FUCA1: variants seen among roughly 807,000 people sequenced by gnomAD.
FUCA1 encodes alpha-L-fucosidase 1, also known as tissue alpha-L-fucosidase.
In FUCA1, 52 loss-of-function variants were observed where a neutral mutation model predicts 56.8. That is an observed-to-expected ratio of 0.92 (90% CI 0.73 to 1.15). The LOEUF (loss-of-function observed/expected upper bound fraction) is 1.15, where lower values mean the gene tolerates loss of function less well. FUCA1 is among the 50% of genes most tolerant of loss of function. FUCA1 has a pLI of 0.00. For missense variants in FUCA1, 568 were observed against 592.6 expected (o/e 0.96, Z 0.43); for synonymous variants, 230 against 226.6 (o/e 1.02, Z -0.14).
chr1:23,867,807 G>C lies in FUCA1; in HGVS notation c.389+91C>G. The C allele has an allele frequency of 2.1e-6, 3 of 1,446,546 alleles. No individual in the cohort carries two copies. The highest frequency in any genetic ancestry group is 2.7e-6 in the Non-Finnish European group (3 of 1,108,750). The allele number at this position is 1,446,546 out of a possible 1,614,324, so 89.6% of individuals were successfully genotyped here. On this transcript the variant is annotated intron_variant, in intron 1 of 7. Coordinates refer to ENST00000374479, the MANE Select transcript of FUCA1 (RefSeq NM_000147.5). This position sits in a 1 kb window ranked among gnomAD's most constrained non-coding sequence, Gnocchi z 4.9. ...GGGCCCCGGGGTCATGGGGGCGACCGGCAGCTGCGCGCCCCAGCTGGCCGC... is the reference window on the plus strand; with the variant it reads ...GGGCCCCGGGGTCATGGGGGCGACCCGCAGCTGCGCGCCCCAGCTGGCCGC...
In FUCA1 at chr1:23,845,676, AAC is replaced by A. The variant is rs1390636813; in HGVS notation, c.*37_*38del. 1.2e-6 allele frequency: 2 copies of A among 1,613,626 alleles called. No homozygotes were observed. Among genetic ancestry groups the A allele is most frequent in the African/African-American group, 2.7e-5 (2 of 74,920 alleles). ...TATAAGAGAAAAACTGAAGCAGGAA[AAC>A]AGTGAGCAGCGCCTCTTTCTTCTTG... is the stretch of plus-strand genomic sequence containing the variant. On this transcript the variant is annotated 3_prime_UTR_variant, in exon 8 of 8. Transcript: ENST00000374479.
At position 23,845,690 on chromosome 1, in the gene FUCA1, CCT is replaced by C; in HGVS notation, c.*23_*24del. 2 of 1,614,030 alleles carry C rather than the reference CCT, an allele frequency of 1.2e-6. No homozygotes were observed. Among genetic ancestry groups the C allele is most frequent in the Non-Finnish European group, 1.7e-6 (2 of 1,179,900 alleles). ...TGAAGCAGGAAAACAGTGAGCAGCG[CCT>C]CTTTCTTCTTGCACTCAAATGATTA... is the stretch of plus-strand genomic sequence containing the variant. On this transcript the variant is annotated 3_prime_UTR_variant, in exon 8 of 8. Transcript: ENST00000374479.
At chr1:23,860,551 T>C (rs906133448) in intron 3 of FUCA1, among the ~76,000 whole-genome samples, 4 of 131,042 alleles carry the variant, frequency 3.1e-5, no homozygotes, top group Admixed American at 8.4e-5. Flanking sequence ...GCCACTGCAC[T>C]CCAGCCTGGG....
At chr1:23,854,336 C>G (rs762215245) in intron 5 of FUCA1, 24 bp downstream of exon 5, 52 of 1,556,408 alleles carry the variant, frequency 3.3e-5, no homozygotes, top group Non-Finnish European at 4.4e-5. Flanking sequence ...AAAACAAAAA[C>G]AAAAAACTCA....
At chr1:23,853,088 C>A (rs1271334939) in intron 5 of FUCA1, among the ~76,000 whole-genome samples, 1 of 143,954 alleles carries the variant, frequency 6.9e-6, no homozygotes. Flanking sequence ...TCTGCCCGGC[C>A]GCCCATCGTC....
At chr1:23,863,007 C>G (rs1639540165) in intron 3 of FUCA1, 127 bp downstream of exon 3, 5 of 1,034,528 alleles carry the variant, frequency 4.8e-6, no homozygotes, top group Non-Finnish European at 7.4e-6. Context: ...ACAACCACCA[C>G]TTTTTATTAT....
intron 3 of FUCA1, 59 bp downstream of exon 3, chr1:23,863,075 A>G: frequency 6.4e-7 from 1 of 1,569,956 alleles, no homozygotes; most frequent in African/African-American, 1.3e-5. Context: ...ATGGTACCCT[A>G]TAGGAAGCTC....
intron 4 of FUCA1, among the ~76,000 whole-genome samples, chr1:23,857,136 C>T (rs1361787336): frequency 6.6e-6 from 1 of 152,088 alleles, no homozygotes; most frequent in East Asian, 1.9e-4. Context: ...TGTGATACTC[C>T]TTAAGCACAA....
At chr1:23,860,720 C>T (rs972748542) in intron 3 of FUCA1, among the ~76,000 whole-genome samples, 3 of 151,030 alleles carry the variant, frequency 2.0e-5, no homozygotes, top group Admixed American at 6.6e-5. Context: ...CTCACTGCAA[C>T]CTTCACCTGC....
intron 5 of FUCA1, among the ~76,000 whole-genome samples, chr1:23,852,710 G>A (rs1166125174): frequency 6.6e-6 from 1 of 152,244 alleles, no homozygotes; most frequent in East Asian, 1.9e-4. Context: ...GCTCCTAACT[G>A]CGAGTGATCC....
At position 23,845,331 on chromosome 1, in the gene FUCA1, T is replaced by C; in HGVS notation, c.*384A>G. The C allele has an allele frequency of 3.0e-6, 1 of 331,844 alleles. No individual in the cohort carries two copies. Among genetic ancestry groups the C allele is most frequent in the Non-Finnish European group, 5.8e-6 (1 of 172,512 alleles). 20.6% of individuals were successfully genotyped at this position (331,844 alleles called of 1,614,324 possible). A position where few individuals can be genotyped will look rare whatever the true frequency, so the allele number is the denominator to read the frequency against. On this transcript the variant is annotated 3_prime_UTR_variant, in exon 8 of 8. Coordinates refer to ENST00000374479, the MANE Select transcript of FUCA1 (RefSeq NM_000147.5). ...TGATGCTAACTAAATAGCATGTGGT[T>C]GAGCTTGCCAAATCCTTCCACCTCC...
intron 1 of FUCA1, among the ~76,000 whole-genome samples, chr1:23,866,254 G>C (rs930905321): frequency 6.6e-6 from 1 of 152,262 alleles, no homozygotes; most frequent in African/African-American, 2.4e-5. Context: ...AGAGGTTGCA[G>C]TGAGCCGAGA....
chr1:23,863,183 G>A lies in FUCA1; in HGVS notation c.613C>T (p.His205Tyr). Residue 205 changes from histidine (H) to tyrosine (Y), a missense_variant, in exon 3 of 8, where the codon CAT becomes TAT. His to Tyr is a moderately conservative substitution (Grantham distance 83). Coordinates refer to ENST00000374479, the MANE Select transcript of FUCA1 (RefSeq NM_000147.5). ...GGCATTGTTTTTGCACTGACAAAAT[G>A]CTGTGTTTTGAAGCCATTTTTCTTA... ...LDKKNGFKTQ[H>Y]FVSAKTMPEL... is the part of the protein sequence containing the mutation. 6.2e-7 allele frequency: 1 copy of A among 1,613,966 alleles called. No homozygotes were observed. Among genetic ancestry groups the A allele is most frequent in the South Asian group, 1.1e-5 (1 of 91,074 alleles).
chr1:23,853,981 T>C (rs1475050558), intron 5 of FUCA1, among the ~76,000 whole-genome samples: 2 of 150,918 alleles, frequency 1.3e-5, no homozygotes, highest in Non-Finnish European at 3.0e-5. Flanking sequence ...TTCACTTGTT[T>C]ATCTGCTGAC....
chr1:23,861,302 G>C (rs1189601022), intron 3 of FUCA1, among the ~76,000 whole-genome samples: 3 of 126,742 alleles, frequency 2.4e-5, no homozygotes, highest in African/African-American at 9.3e-5. Flanking sequence ...CAGCCTGGGC[G>C]ACGGAGCGAG....
chr1:23,856,129 T>C (rs925495957), intron 4 of FUCA1, among the ~76,000 whole-genome samples: 1 of 152,144 alleles, frequency 6.6e-6, no homozygotes, highest in Non-Finnish European at 1.5e-5. Context: ...TACTTATCTA[T>C]AAAAACAAAC....
chr1:23,861,307 A>G (rs1163116035), intron 3 of FUCA1, among the ~76,000 whole-genome samples: 2 of 124,274 alleles, frequency 1.6e-5, no homozygotes, highest in African/African-American at 6.3e-5. Context: ...TGGGCGACGG[A>G]GCGAGACTCC....
rs12748109 is a variant in FUCA1 at position 23,854,687 on chromosome 1, C to T, written c.769-127G>A. The T allele has an allele frequency of 0.29, 223,969 of 779,924 alleles. 34,843 individuals are homozygous for T. The highest frequency in any genetic ancestry group is 0.33 in the Non-Finnish European group (146,745 of 448,844). 48.3% of individuals were successfully genotyped at this position (779,924 alleles called of 1,614,324 possible). A position where few individuals can be genotyped will look rare whatever the true frequency, so the allele number is the denominator to read the frequency against. On this transcript the variant is annotated intron_variant, in intron 4 of 7. Transcript: ENST00000374479. The stretch of plus-strand genomic sequence containing the variant: ...TAGAGCAGTGGCTGTCAACTGGGGG[C>T]AATTTTGCTCTGGAGGGGACATTTG...
chr1:23,845,999 AG>A lies in FUCA1; in HGVS notation c.1260+74del, dbSNP rs1639131288. On this transcript the variant is annotated intron_variant, in intron 7 of 7. Coordinates refer to ENST00000374479, the MANE Select transcript of FUCA1 (RefSeq NM_000147.5). The stretch of plus-strand genomic sequence containing the variant: ...GGTGTGAATATGGGAGAAACCTGGC[AG>A]GGAAGGAAGAAAGGAAGGATCTGCC... 2.7e-6 allele frequency: 4 copies of A among 1,507,954 alleles called. No individual in the cohort carries two copies. In the African/African-American group the frequency reaches 5.5e-5, roughly 21 times the overall value. The allele number at this position is 1,507,954 out of a possible 1,614,324, so 93.4% of individuals were successfully genotyped here.
Sources: allele counts gnomAD v4.1 joint callset (sites outside exome capture counted in the v4.1 genomes callset), GRCh38; gene constraint gnomAD v4.1.1; non-coding constraint Gnocchi (gnomAD v3.1); transcripts MANE v1.5; gene names NCBI Gene and HGNC (gene_info 2026-07-23, HGNC 2026-07-21).